Variants in ATG7 observed in about 807,000 individuals in gnomAD.
The protein encoded by ATG7 is ubiquitin-like modifier-activating enzyme ATG7.
ATG7 carries 70 observed loss-of-function variants against 82.4 expected under a neutral mutation model. The observed-to-expected ratio is 0.85, with a 90% confidence interval of 0.70 to 1.04. ATG7 has a LOEUF of 1.04. Among genes scored for constraint, ATG7 ranks in the 50% least tolerant of loss-of-function variants. The pLI is 0.00. For synonymous variants in ATG7, 287 were observed against 313.0 expected (o/e 0.92, Z 0.88); for missense variants, 792 against 864.3 (o/e 0.92, Z 1.05).
chr3:11,428,676 T>C (rs1559603085), intron 20 of ATG7, among the ~76,000 whole-genome samples: 1 of 152,258 alleles, frequency 6.6e-6, no homozygotes, highest in South Asian at 2.1e-4. Flanking sequence ...GTCTGCCGTA[T>C]TATCTTTTAA....
chr3:11,415,390 A>G (rs1180760982), intron 19 of ATG7, among the ~76,000 whole-genome samples: 1 of 152,208 alleles, frequency 6.6e-6, no homozygotes, highest in Non-Finnish European at 1.5e-5. Flanking sequence ...GTCTTCAGTA[A>G]TAAATTACCT....
Position 11,314,460 on chromosome 3 carries a change from A to G in ATG7, c.529-884A>G, listed in dbSNP as rs78247474. On this transcript the variant is annotated intron_variant, in intron 8 of 20. Coordinates refer to ENST00000693202, the MANE Select transcript of ATG7 (RefSeq NM_001349232.2). The stretch of plus-strand genomic sequence containing the variant: ...CCGAGGTTGTGGTTTTGTGGAACTA[A>G]TTTCCCAAGAGGAAATATAAGTAAG... Among the ~76,000 whole-genome samples the G allele has an allele frequency of 4.8e-3, 730 of 152,236 alleles. 6 individuals are homozygous for G. Among genetic ancestry groups the G allele is most frequent in the Non-Finnish European group, 7.4e-3 (501 of 68,014 alleles).
chr3:11,370,903 C>T (rs946797188), intron 18 of ATG7, among the ~76,000 whole-genome samples: 1 of 150,542 alleles, frequency 6.6e-6, no homozygotes, highest in Non-Finnish European at 1.5e-5. Flanking sequence ...TACCTCTTTG[C>T]TTTTCAGCTT....
intron 20 of ATG7, among the ~76,000 whole-genome samples, chr3:11,489,578 A>G (rs2090139615): frequency 7.0e-6 from 1 of 142,598 alleles, no homozygotes; most frequent in African/African-American, 2.6e-5. Context: ...TAGGGTGTCA[A>G]TTTTGGATCT....
At chr3:11,404,709 G>T (rs2080168536) in intron 19 of ATG7, among the ~76,000 whole-genome samples, 1 of 152,056 alleles carries the variant, frequency 6.6e-6, no homozygotes, top group African/African-American at 2.4e-5. Flanking sequence ...GTTCCACATG[G>T]CTGAGGAGGC....
At chr3:11,388,729 CTTCT>C (rs1002179176) in intron 19 of ATG7, among the ~76,000 whole-genome samples, 2 of 151,842 alleles carry the variant, frequency 1.3e-5, no homozygotes, top group Admixed American at 6.6e-5. Context: ...CGCCAGGCCC[CTTCT>C]TTCTTTTTTT....
intron 3 of ATG7, among the ~76,000 whole-genome samples, chr3:11,292,244 T>TTCTTTCTTTC (rs1403985072): frequency 6.6e-6 from 1 of 151,592 alleles, no homozygotes; most frequent in Non-Finnish European, 1.5e-5. Flanking sequence ...ATTTTTTTCT[T>TTCTTTCTTTC]TCTTTCTTTC....
chr3:11,460,435 G>C (rs1382711437), intron 20 of ATG7, among the ~76,000 whole-genome samples: 1 of 152,200 alleles, frequency 6.6e-6, no homozygotes, highest in Non-Finnish European at 1.5e-5. Context: ...GTGAGAGAAG[G>C]GGTCATGACT....
chr3:11,365,121 C>T (rs1027130171), intron 18 of ATG7, among the ~76,000 whole-genome samples: 2 of 152,156 alleles, frequency 1.3e-5, no homozygotes, highest in African/African-American at 2.4e-5. Context: ...TTATCTGTAA[C>T]ATAGAGAAGG....
At chr3:11,280,209 G>A (rs1942792618) in intron 1 of ATG7, among the ~76,000 whole-genome samples, 1 of 151,988 alleles carries the variant, frequency 6.6e-6, no homozygotes, top group Admixed American at 6.6e-5. Flanking sequence ...ACCATGCCCG[G>A]CCCTTTTTTT....
rs115263088 is a variant in ATG7 at position 11,456,474 on chromosome 3, C to T, written c.2079+29548C>T. Reference sequence around the variant, plus strand: ...TGTACAAGTTGTTGTATGAAGTACACGTTTTTGTTGTTTTGGGTATATGCC... The same window carrying T: ...TGTACAAGTTGTTGTATGAAGTACATGTTTTTGTTGTTTTGGGTATATGCC... On this transcript the variant is annotated intron_variant, in intron 20 of 20. Transcript: ENST00000693202. Among the ~76,000 whole-genome samples the T allele has an allele frequency of 8.9e-3, 1,360 of 152,226 alleles. 27 individuals are homozygous for T. The highest frequency in any genetic ancestry group is 0.031 in the African/African-American group (1,286 of 41,540).
At chr3:11,474,825 G>A (rs4684781) in intron 20 of ATG7, among the ~76,000 whole-genome samples, 78,847 of 151,822 alleles carry the variant, frequency 0.52, 21,413 homozygotes, top group East Asian at 0.67. Context: ...CCCATGTGAA[G>A]GCCTAAGCAG....
At chr3:11,515,064 C>T (rs999790863) in intron 20 of ATG7, among the ~76,000 whole-genome samples, 1 of 152,050 alleles carries the variant, frequency 6.6e-6, no homozygotes, top group Non-Finnish European at 1.5e-5. Context: ...TAGTCTCGAC[C>T]TCCTTACCTG....
intron 1 of ATG7, among the ~76,000 whole-genome samples, chr3:11,276,652 C>G (rs1168374954): frequency 6.6e-6 from 1 of 152,194 alleles, no homozygotes; most frequent in African/African-American, 2.4e-5. Context: ...CTTGGCACAT[C>G]TGACATTGCT....
rs1275955326 is a variant in ATG7, at chr3:11,506,587, C to CAAAAAAA, written c.2080-48219_2080-48218insAAAAAAA. Among the ~76,000 whole-genome samples the CAAAAAAA allele has an allele frequency of 6.0e-4, 72 of 119,526 alleles. 1 individual carries two copies. Among genetic ancestry groups the CAAAAAAA allele is most frequent in the South Asian group, 2.0e-3 (7 of 3,418 alleles). The allele number at this position is 119,526 out of a possible 152,430, so 78.4% of individuals were successfully genotyped here. Reference sequence around the variant, plus strand: ...AAAAAAAAAAAAAAAAAAAAAAACCCAAAAATTAGCTGGGAGTGGTGGCAG... The same window carrying CAAAAAAA: ...AAAAAAAAAAAAAAAAAAAAAAACCCAAAAAAAAAAAATTAGCTGGGAGTGGTGGCAG... On this transcript the variant is annotated intron_variant, in intron 20 of 20. Transcript: ENST00000693202.
At chr3:11,503,035 GT>G (rs2091455128) in intron 20 of ATG7, among the ~76,000 whole-genome samples, 2 of 152,186 alleles carry the variant, frequency 1.3e-5, no homozygotes, top group Admixed American at 1.3e-4. Context: ...AGATACAGGG[GT>G]ATCCAAGCTT....
intron 1 of ATG7, among the ~76,000 whole-genome samples, chr3:11,273,761 C>T (rs1016004880): frequency 1.3e-5 from 2 of 152,086 alleles, no homozygotes; most frequent in South Asian, 4.1e-4. Flanking sequence ...ATGGCACCTT[C>T]TAATAATAGT....
At chr3:11,489,290 A>G (rs1467617106) in intron 20 of ATG7, among the ~76,000 whole-genome samples, 1 of 152,074 alleles carries the variant, frequency 6.6e-6, no homozygotes. Flanking sequence ...GTATTCTCTG[A>G]TGGTATTTTG....
chr3:11,508,220 A>T (rs575976727), intron 20 of ATG7, among the ~76,000 whole-genome samples: 1 of 152,142 alleles, frequency 6.6e-6, no homozygotes, highest in African/African-American at 2.4e-5. Flanking sequence ...CCAGTTCGTG[A>T]GGCACACAGT....
Sources: gnomAD v4.1 joint callset for allele counts (sites outside exome capture counted in the v4.1 genomes callset) on GRCh38, gnomAD v4.1.1 for gene constraint, MANE v1.5 for transcripts, NCBI Gene and HGNC (gene_info 2026-07-23, HGNC 2026-07-21) for gene names.